The following FN1 variants were observed in gnomAD, a reference collection of about 807,000 sequenced individuals.
FN1 encodes fibronectin 1, also known as fibronectin.
FN1 carries 106 observed loss-of-function variants against 297.3 expected under a neutral mutation model. The observed-to-expected ratio is 0.36, with a 90% CI of 0.30 to 0.42. FN1 has a LOEUF of 0.42. Among genes scored for constraint, FN1 ranks in the 10% least tolerant of loss-of-function variants. FN1 has a pLI of 1.00. For synonymous variants in FN1, 1,149 were observed against 1,152.6 expected, an observed-to-expected ratio of 1.00 and a Z score of 0.06; for missense variants, 2,690 against 3,124.9, an observed-to-expected ratio of 0.86 and a Z score of 3.32.
chr2:215,375,539 C>G, intron 37 of FN1, 90 bp downstream of exon 37: 10 of 1,241,446 alleles, frequency 8.1e-6, no homozygotes, highest in Non-Finnish European at 1.1e-5. Flanking sequence ...ATCTATAATA[C>G]AAAAATATAC....
At position 215,361,696 on chromosome 2, in the gene FN1, G is replaced by A. The variant is rs889680092; in HGVS notation, c.7363-70C>T. 20 of 1,221,654 alleles carry A rather than the reference G, an allele frequency of 1.6e-5. No homozygotes were observed. The African/African-American group carries it at 2.5e-4, about 15-fold the overall frequency. The allele number at this position is 1,221,654 out of a possible 1,614,324, so 75.7% of individuals were successfully genotyped here. On this transcript the variant is annotated intron_variant, in intron 45 of 45. Coordinates refer to ENST00000354785, the MANE Select transcript of FN1 (RefSeq NM_212482.4). The stretch of plus-strand genomic sequence containing the variant: ...TAAAGTGTACAGAAAAAAAAATGCG[G>A]GGAGGTGGGGACTCATGACAGCTGC...
In FN1 at chr2:215,434,848, T is replaced by TTAC. The variant is rs10648691; in HGVS notation, c.149-27_149-25dup. ...GGCTGCAAATAATTGAAGGAAAACG[T>TTAC]TACATTTGCATTTCTCCTTTTCCCA... On this transcript the variant is annotated intron_variant, in intron 1 of 45. Coordinates refer to ENST00000354785, the MANE Select transcript of FN1 (RefSeq NM_212482.4). The TTAC allele has an allele frequency of 0.49, 771,041 of 1,582,604 alleles. 198,474 individuals carry two copies. The highest frequency in any genetic ancestry group is 0.94 in the East Asian group (41,631 of 44,520).
chr2:215,363,377 GGAGAGA>G (rs140094888), intron 44 of FN1: 37,692 of 150,400 alleles, frequency 0.25, 5,776 homozygotes, highest in East Asian at 0.71. Context: ...AGTGTTAATG[GGAGAGA>G]GAGAGAGAGA....
intron 4 of FN1, among the ~76,000 whole-genome samples, chr2:215,431,561 G>A (rs1226398114): frequency 6.6e-6 from 1 of 152,074 alleles, no homozygotes; most frequent in African/African-American, 2.4e-5. Context: ...TCAGCTATTA[G>A]GTAAAAGAAA....
intron 19 of FN1, among the ~76,000 whole-genome samples, chr2:215,405,446 A>G (rs1264954570): frequency 2.1e-4 from 32 of 152,176 alleles, no homozygotes; most frequent in Admixed American, 2.1e-3. Flanking sequence ...CAATACGGAT[A>G]CTAGTAAGAC....
At chr2:215,431,500 AT>A (rs371579153) in intron 4 of FN1, among the ~76,000 whole-genome samples, 7,179 of 151,534 alleles carry the variant, frequency 0.047, 578 homozygotes, top group African/African-American at 0.16. Context: ...CCAAAGTGTC[AT>A]TTTTTTTTCT....
At chr2:215,364,628 C>A in intron 44 of FN1, 1 of 562,196 alleles carries the variant, frequency 1.8e-6, no homozygotes, top group Non-Finnish European at 3.2e-6. Context: ...TGACTCAAGA[C>A]TTGTGTTTTT....
intron 44 of FN1, chr2:215,364,325 C>T (rs896327472): frequency 3.7e-5 from 1 of 27,208 alleles, no homozygotes; most frequent in Admixed American, 3.0e-4. Context: ...TATTTAACAA[C>T]GTTGCCATGG....
intron 12 of FN1, among the ~76,000 whole-genome samples, chr2:215,418,324 G>A (rs2063722639): frequency 6.6e-6 from 1 of 152,204 alleles, no homozygotes; most frequent in Non-Finnish European, 1.5e-5. Flanking sequence ...ATGGAGGAAT[G>A]AGGCTTGGCT....
chr2:215,381,032 G>T lies in FN1; in HGVS notation c.5213C>A (p.Ser1738Tyr). 3 of 1,614,216 alleles carry T rather than the reference G, an allele frequency of 1.9e-6. No individual in the cohort carries two copies. The highest frequency in any genetic ancestry group is 2.5e-6 in the Non-Finnish European group (3 of 1,180,030). Reference sequence around the variant, plus strand: ...TGGGCTTTCCCAAGCAATTTTGATGGAATCGACATCCACATCAGTGAATGC... The same window carrying T: ...TGGGCTTTCCCAAGCAATTTTGATGTAATCGACATCCACATCAGTGAATGC... ...GLAFTDVDVD[S>Y]IKIAWESPQG... The change falls in exon 33 of 46, where the codon TCC (serine) becomes TAC (tyrosine). Residue 1738 changes from serine (S) to tyrosine (Y), a missense_variant. Coordinates refer to ENST00000354785, the MANE Select transcript of FN1 (RefSeq NM_212482.4).
chr2:215,386,028 G>C (rs2058927068), intron 28 of FN1, among the ~76,000 whole-genome samples: 2 of 148,848 alleles, frequency 1.3e-5, no homozygotes, highest in African/African-American at 4.9e-5. Flanking sequence ...CACCCGCCTT[G>C]GCCTCCCAAA....
Position 215,435,799 on chromosome 2 carries a change from G to T in FN1, c.4C>A (p.Leu2Ile). The part of the protein sequence containing the change: M[L>I]RGPGPGLLLL... Reference sequence around the variant, plus strand: ...AGCAGCCCGGGCCCCGGACCCCTAAGCATGTTGAGACGGTGGGGGAGAGAC... The same window carrying T: ...AGCAGCCCGGGCCCCGGACCCCTAATCATGTTGAGACGGTGGGGGAGAGAC... Residue 2 changes from leucine to isoleucine, a missense_variant, in exon 1 of 46, where the codon CTT becomes ATT. Transcript: ENST00000354785. 3 of 1,556,240 alleles carry T rather than the reference G, an allele frequency of 1.9e-6. No homozygotes were observed. Among genetic ancestry groups the T allele is most frequent in the Non-Finnish European group, 2.6e-6 (3 of 1,154,198 alleles).
chr2:215,403,713 A>G (rs1437115604), intron 20 of FN1, among the ~76,000 whole-genome samples: 1 of 152,206 alleles, frequency 6.6e-6, no homozygotes, highest in African/African-American at 2.4e-5. Flanking sequence ...GAGCAAAAGG[A>G]TAGACATGAC....
chr2:215,407,035 G>T, intron 18 of FN1, 92 bp downstream of exon 18: 1 of 955,180 alleles, frequency 1.0e-6, no homozygotes, highest in Non-Finnish European at 1.7e-6. Flanking sequence ...AAGATTTCTT[G>T]AATGAGAGGA....
rs755332388 is a variant in FN1, at chr2:215,430,895, T to C, written c.548-43A>G. ...AGAAAAACAGGAAAAAAAGGTTATT[T>C]TGAATTGTGCAAGCTCCCTGTAATT... is the stretch of plus-strand genomic sequence containing the variant. On this transcript the variant is annotated intron_variant, in intron 4 of 45. Coordinates refer to ENST00000354785, the MANE Select transcript of FN1 (RefSeq NM_212482.4). The C allele has an allele frequency of 6.2e-6, 10 of 1,608,386 alleles. No individual in the cohort carries two copies. The Admixed American group carries it at 1.7e-4, about 27-fold the overall frequency.
intron 7 of FN1, 115 bp downstream of exon 7, chr2:215,424,979 G>T: frequency 2.2e-6 from 2 of 910,574 alleles, no homozygotes; most frequent in South Asian, 1.3e-5. Flanking sequence ...TTATCACAGG[G>T]TGGTAAGATT....
chr2:215,401,704 A>T (rs910681576), intron 20 of FN1, among the ~76,000 whole-genome samples: 4 of 152,190 alleles, frequency 2.6e-5, no homozygotes, highest in African/African-American at 9.7e-5. Flanking sequence ...AACTCCAGTC[A>T]ATTTTTTTTT....
chr2:215,418,872 C>G (rs2063799254), intron 12 of FN1, among the ~76,000 whole-genome samples: 1 of 152,196 alleles, frequency 6.6e-6, no homozygotes, highest in South Asian at 2.1e-4. Flanking sequence ...TATGCAGCTT[C>G]TCTGTTAAGA....
At chr2:215,429,068 A>G (rs2066008410) in intron 5 of FN1, among the ~76,000 whole-genome samples, 1 of 152,288 alleles carries the variant, frequency 6.6e-6, no homozygotes, top group African/African-American at 2.4e-5. Flanking sequence ...AAAAAAGCTT[A>G]TAACAATGGG....
Sources: gnomAD v4.1 joint callset for allele counts (sites outside exome capture counted in the v4.1 genomes callset) on GRCh38, gnomAD v4.1.1 for gene constraint, MANE v1.5 for transcripts, NCBI Gene and HGNC (gene_info 2026-07-23, HGNC 2026-07-21) for gene names.